Variants in EML2 observed in about 807,000 individuals in gnomAD.
The protein encoded by EML2 is echinoderm microtubule-associated protein-like 2.
EML2 carries 59 observed loss-of-function variants against 84.7 expected under a neutral mutation model. The observed-to-expected ratio is 0.70, with a 90% CI of 0.56 to 0.86. The LOEUF is 0.86. EML2 is among the 40% of genes least tolerant of loss of function. EML2 has a pLI of 0.00. For synonymous variants in EML2, 352 were observed against 348.9 expected (o/e 1.01, Z -0.10); for missense variants, 818 against 855.6 (o/e 0.96, Z 0.55).
chr19:45,611,427 G>A (rs1970483743), intron 18 of EML2, among the ~76,000 whole-genome samples: 1 of 151,888 alleles, frequency 6.6e-6, no homozygotes, highest in South Asian at 2.1e-4. Context: ...AAAAAAAGAA[G>A]AAGAAATTAA....
At position 45,631,884 on chromosome 19, in the gene EML2, A is replaced by ATTTTTTT. The variant is rs755529171; in HGVS notation, c.510+970_510+976dup. Among the ~76,000 whole-genome samples the ATTTTTTT allele has an allele frequency of 5.9e-3, 534 of 90,302 alleles. 40 individuals are homozygous for ATTTTTTT. Among genetic ancestry groups the ATTTTTTT allele is most frequent in the East Asian group, 0.038 (95 of 2,500 alleles). 59.2% of individuals were successfully genotyped at this position (90,302 alleles called of 152,430 possible). A position where few individuals can be genotyped will look rare whatever the true frequency, so the allele number is the denominator to read the frequency against. On this transcript the variant is annotated intron_variant, in intron 6 of 18. Transcript: ENST00000245925. Reference sequence around the variant, plus strand: ...ACACTAGTACACCCAGCTAATTAGAATTTTTTTTTTTTTTTTTTTTTTTTT... The same window carrying ATTTTTTT: ...ACACTAGTACACCCAGCTAATTAGAATTTTTTTTTTTTTTTTTTTTTTTTTTTTTTTT...
In EML2 at chr19:45,611,499, C is replaced by CTTCTTCTTCTTCTTA. The variant is rs35553113; in HGVS notation, c.1825-1712_1825-1711insTAAGAAGAAGAAGAA. 4.7e-5 allele frequency among the ~76,000 whole-genome samples: 7 copies of CTTCTTCTTCTTCTTA among 149,874 alleles called. 2 individuals are homozygous for CTTCTTCTTCTTCTTA. The highest frequency in any genetic ancestry group is 1.5e-4 in the African/African-American group (6 of 39,944). ...AACAATTCTTCTTCTTCTTCTTCTTCTTTTGAGACAGAATCTCGCTCTTTT... is the reference window on the plus strand; with the variant it reads ...AACAATTCTTCTTCTTCTTCTTCTTCTTCTTCTTCTTCTTATTTTGAGACAGAATCTCGCTCTTTT... On this transcript the variant is annotated intron_variant, in intron 18 of 18. Transcript: ENST00000245925.
chr19:45,633,392 A>G (rs1973310898), intron 4 of EML2, among the ~76,000 whole-genome samples: 1 of 151,830 alleles, frequency 6.6e-6, no homozygotes, highest in Non-Finnish European at 1.5e-5. Flanking sequence ...AGGAGAGCAC[A>G]CTTATTTAAG....
intron 7 of EML2, chr19:45,628,671 A>C (rs8101493): frequency 0.36 from 54,206 of 151,644 alleles, 9,828 homozygotes; most frequent in East Asian, 0.4. Flanking sequence ...AAAAATACAA[A>C]AATTAGCCGG....
At chr19:45,632,349 G>A (rs1028868216) in intron 6 of EML2, among the ~76,000 whole-genome samples, 1 of 151,392 alleles carries the variant, frequency 6.6e-6, no homozygotes, top group African/African-American at 2.4e-5. Flanking sequence ...ACTAATTTTT[G>A]TACTGTTTTT....
At chr19:45,642,671 A>C (rs1191572921), upstream of EML2, 1 of 470,304 alleles carries the variant, frequency 2.1e-6, no homozygotes, top group Non-Finnish European at 3.0e-6. Context: ...AGATGCTATG[A>C]CTAAGACGTG....
rs767574536 is a variant in EML2, at chr19:45,632,915, C to A, written c.456G>T (p.Val152=). ...CTCTGTCAAACACCCCCAAGCCCAG[C>A]ACGTGTAAGGTGGAGAGGGAAACTG... The part of the protein sequence containing the change: ...WDSVSLSTLH[V]LGLGVFDRAV... The change falls in exon 6 of 19, where the codon GTG becomes GTT. Residue 152 remains valine (V), a synonymous_variant. Transcript: ENST00000245925. 2 of 1,614,236 alleles carry A rather than the reference C, an allele frequency of 1.2e-6. No individual in the cohort carries two copies. The highest frequency in any genetic ancestry group is 2.2e-5 in the South Asian group (2 of 91,082).
chr19:45,641,541 C>G (rs367617304), upstream of EML2: 53 of 1,210,256 alleles, frequency 4.4e-5, no homozygotes, highest in African/African-American at 7.7e-4. Flanking sequence ...ACTAGCTGGC[C>G]CCACTCTAGG....
chr19:45,617,771 G>A (rs1600097505), intron 12 of EML2, 74 bp from the exon 13 acceptor site: 3 of 1,394,006 alleles, frequency 2.2e-6, no homozygotes, highest in East Asian at 4.7e-5. Flanking sequence ...CTTGCCTCAG[G>A]GCCAAGTCTA....
At chr19:45,613,890 G>A (rs544213304) in intron 17 of EML2, among the ~76,000 whole-genome samples, 4 of 152,236 alleles carry the variant, frequency 2.6e-5, no homozygotes, top group Admixed American at 2.0e-4. Flanking sequence ...AAAGCCTGTG[G>A]TTCTAAGGCT....
intron 1 of EML2, 147 bp from the exon 2 acceptor site, chr19:45,639,020 C>A: frequency 1.0e-6 from 1 of 968,110 alleles, no homozygotes; most frequent in Non-Finnish European, 1.7e-6. Flanking sequence ...CTCTGCAGGC[C>A]GTGTGCTTTG....
intron 11 of EML2, 74 bp downstream of exon 11, chr19:45,621,133 G>A (rs918003384): frequency 7.1e-6 from 11 of 1,560,036 alleles, no homozygotes; most frequent in Non-Finnish European, 8.7e-6. Flanking sequence ...GAGTGGGGAG[G>A]GGGAGTGGAT....
intron 14 of EML2, 42 bp downstream of exon 14, chr19:45,616,723 C>T (rs1431270752): frequency 6.4e-7 from 1 of 1,574,612 alleles, no homozygotes. Flanking sequence ...GAGCCTCTGT[C>T]CCCTGGCCCT....
intron 18 of EML2, 29 bp downstream of exon 18, chr19:45,613,512 G>A (rs747021128): frequency 5.0e-5 from 80 of 1,610,342 alleles, no homozygotes; most frequent in Non-Finnish European, 6.4e-5. Flanking sequence ...TGCTACCCCC[G>A]TCCATCCCCA....
In EML2 at chr19:45,609,459, A is replaced by C. The variant is rs564688150; in HGVS notation, c.*204T>G. On this transcript the variant is annotated 3_prime_UTR_variant, in exon 19 of 19. Coordinates refer to ENST00000245925, the MANE Select transcript of EML2 (RefSeq NM_012155.4). The stretch of plus-strand genomic sequence containing the variant: ...AAGAAAAAACTTAAAAAACACCCCA[A>C]ACCAAACACCAATGGATCCCCAAAG... 1.5e-5 allele frequency: 8 copies of C among 539,150 alleles called. No individual in the cohort carries two copies. Among genetic ancestry groups the C allele is most frequent in the Admixed American group, 8.1e-5 (2 of 24,568 alleles). The allele number at this position is 539,150 out of a possible 1,614,324, so 33.4% of individuals were successfully genotyped here. A position where few individuals can be genotyped will look rare whatever the true frequency, so the allele number is the denominator to read the frequency against.
chr19:45,626,652 T>A, intron 8 of EML2, 53 bp downstream of exon 8: 3 of 1,569,824 alleles, frequency 1.9e-6, no homozygotes, highest in African/African-American at 1.3e-5. Context: ...TCCCTGCCTG[T>A]CCCTAACTAC....
At chr19:45,615,571 G>T (rs1970953546) in intron 16 of EML2, among the ~76,000 whole-genome samples, 1 of 147,608 alleles carries the variant, frequency 6.8e-6, no homozygotes, top group Non-Finnish European at 1.5e-5. Context: ...ATTTAAAAAT[G>T]TAAAAAAAGA....
Position 45,616,864 on chromosome 19 carries a change from A to C in EML2, c.1323-11T>G, listed in dbSNP as rs1971144972. 1 of 1,607,278 alleles carries C rather than the reference A, an allele frequency of 6.2e-7. No homozygotes were observed. ...TCCAGCAGCAGCCATCTTGAAGGAG[A>C]GGGCGTGGTGGGGGGAGGAGGGGTG... On this transcript the variant is annotated splice_polypyrimidine_tract_variant and intron_variant, in intron 13 of 18. Transcript: ENST00000245925.
At chr19:45,644,967 G>T, upstream of EML2, 1 of 496,650 alleles carries the variant, frequency 2.0e-6, no homozygotes, top group Non-Finnish European at 3.7e-6. Context: ...AAAGGGCAGA[G>T]TTCCAGGCCC....
Sources: allele counts gnomAD v4.1 joint callset (sites outside exome capture counted in the v4.1 genomes callset), GRCh38; gene constraint gnomAD v4.1.1; transcripts MANE v1.5; gene names NCBI Gene and HGNC (gene_info 2026-07-23, HGNC 2026-07-21).